Variants in LRTM3 observed in about 807,000 individuals in gnomAD.
The protein encoded by LRTM3 is leucine rich repeat transmembrane protein 3, also known as leucine-rich repeat transmembrane protein 3.
At chr13:102,741,360 C>A in the LRTM3 span, 1 of 1,549,344 alleles carries the variant, frequency 6.5e-7, no homozygotes, top group Admixed American at 2.0e-5. Flanking sequence ...AGAATACTTT[C>A]GGGAACATGA....
chr13:102,747,581 A>T, the LRTM3 span: 2 of 1,551,200 alleles, frequency 1.3e-6, no homozygotes, highest in Non-Finnish European at 1.7e-6. Flanking sequence ...TTCTTCTGCA[A>T]TATGACTATC....
chr13:102,749,439 T>C, the LRTM3 span: 1 of 1,551,326 alleles, frequency 6.4e-7, no homozygotes, highest in South Asian at 1.2e-5. Flanking sequence ...AATTCAGCAT[T>C]CTTAAAAATA....
the LRTM3 span, chr13:102,737,151 G>A: frequency 1.2e-5 from 19 of 1,551,004 alleles, no homozygotes; most frequent in African/African-American, 2.6e-4. Context: ...CCTTCAGGTT[G>A]CATTATATAA....
the LRTM3 span, chr13:102,744,226 T>C: frequency 6.5e-7 from 1 of 1,550,356 alleles, no homozygotes; most frequent in African/African-American, 1.4e-5. Context: ...CCTTCAAAGT[T>C]ACACATTTGG....
chr13:102,744,882 C>T, the LRTM3 span: 4 of 1,550,576 alleles, frequency 2.6e-6, no homozygotes, highest in African/African-American at 5.5e-5. Context: ...TTAAACTCTG[C>T]CTTTTCCCCT....
the LRTM3 span, chr13:102,748,148 G>C: frequency 6.4e-7 from 1 of 1,551,020 alleles, no homozygotes; most frequent in South Asian, 1.2e-5. Flanking sequence ...AGGTAGTTGA[G>C]AAATGGTAGT....
the LRTM3 span, chr13:102,739,350 T>C: frequency 1.3e-6 from 2 of 1,549,506 alleles, no homozygotes; most frequent in African/African-American, 2.7e-5. Context: ...TTTGATTCTA[T>C]TACATTACTT....
At chr13:102,742,041 T>C in the LRTM3 span, 3 of 1,550,520 alleles carry the variant, frequency 1.9e-6, no homozygotes, top group East Asian at 7.3e-5. Context: ...TTCTCCAGCT[T>C]TGGCTGTGGA....
the LRTM3 span, among the ~76,000 whole-genome samples, chr13:102,753,733 T>G: frequency 6.6e-6 from 1 of 152,182 alleles, no homozygotes; most frequent in East Asian, 1.9e-4. Flanking sequence ...CCCATTACTT[T>G]TAGTATATAG....
At chr13:102,745,118 A>G in the LRTM3 span, 6 of 1,550,666 alleles carry the variant, frequency 3.9e-6, no homozygotes, top group African/African-American at 8.2e-5. Flanking sequence ...TTGTTTGGTA[A>G]CAAACAGAAT....
chr13:102,756,728 A>G, the LRTM3 span, among the ~76,000 whole-genome samples: 1 of 151,324 alleles, frequency 6.6e-6, no homozygotes, highest in African/African-American at 2.4e-5. Context: ...ACTATGATAT[A>G]AAGCTAGACC....
the LRTM3 span, chr13:102,729,792 C>T: frequency 6.4e-7 from 1 of 1,551,826 alleles, no homozygotes; most frequent in Non-Finnish European, 8.7e-7. Context: ...TCACGTTTCC[C>T]TTTGCTGTGT....
At chr13:102,748,872 A>G in the LRTM3 span, 1 of 1,549,628 alleles carries the variant, frequency 6.5e-7, no homozygotes, top group Non-Finnish European at 8.7e-7. Flanking sequence ...TCTTTGTCAT[A>G]CTCCTTTTCC....
the LRTM3 span, chr13:102,740,983 C>G: frequency 6.5e-7 from 1 of 1,549,958 alleles, no homozygotes; most frequent in Admixed American, 2.0e-5. Flanking sequence ...GAGGTTGATC[C>G]ACCGGAATAC....
the LRTM3 span, chr13:102,732,900 C>T: frequency 5.2e-6 from 8 of 1,551,408 alleles, no homozygotes; most frequent in Non-Finnish European, 6.1e-6. Context: ...TCCTCCAGAT[C>T]CCCTGATTGA....
the LRTM3 span, chr13:102,729,784 A>G: frequency 6.4e-7 from 1 of 1,551,836 alleles, no homozygotes; most frequent in Admixed American, 2.0e-5. Flanking sequence ...TCTTTCTGTC[A>G]CGTTTCCCTT....
chr13:102,736,548 G>T, the LRTM3 span: 1 of 1,551,086 alleles, frequency 6.4e-7, no homozygotes. Context: ...CTTGTTATTC[G>T]TGGTTCACCT....
At chr13:102,737,863 G>T in the LRTM3 span, 1 of 1,549,876 alleles carries the variant, frequency 6.5e-7, no homozygotes, top group South Asian at 1.2e-5. Flanking sequence ...ATATATAATG[G>T]GTTAGAGAAG....
At chr13:102,731,778 C>A in the LRTM3 span, 68 of 1,550,922 alleles carry the variant, frequency 4.4e-5, no homozygotes, top group Admixed American at 9.8e-5. Flanking sequence ...TGCTGCTGAA[C>A]CTTTTGTGTG....
Sources: allele counts gnomAD v4.1 joint callset (sites outside exome capture counted in the v4.1 genomes callset), GRCh38; gene constraint gnomAD v4.1.1; transcripts MANE v1.5; gene names NCBI Gene and HGNC (gene_info 2026-07-23, HGNC 2026-07-21).